Variants in ARHGAP15 observed in about 807,000 individuals in gnomAD.
The protein encoded by ARHGAP15 is Rho GTPase activating protein 15.
Under a neutral mutation model 63.7 loss-of-function variants are expected in ARHGAP15, and 51 were observed. That is an observed-to-expected ratio of 0.80 (90% CI 0.64 to 1.01). The LOEUF is 1.01. Among genes scored for constraint, ARHGAP15 ranks in the 50% least tolerant of loss-of-function variants. The pLI is 0.00. For missense variants in ARHGAP15, 560 were observed against 564.6 expected (o/e 0.99, Z 0.08); for synonymous variants, 191 against 193.8 (o/e 0.99, Z 0.12).
At chr2:143,480,377 T>C (rs141243060) in intron 8 of ARHGAP15, among the ~76,000 whole-genome samples, 3,090 of 152,316 alleles carry the variant, frequency 0.02, 270 homozygotes, top group Admixed American at 0.16. Flanking sequence ...ATTTTAATTG[T>C]ATGAATTTTC....
intron 2 of ARHGAP15, among the ~76,000 whole-genome samples, chr2:143,197,085 T>G (rs186995794): frequency 2.1e-4 from 32 of 152,062 alleles, no homozygotes; most frequent in Admixed American, 1.4e-3. Context: ...AAATGTAGGG[T>G]TTTTATATCA....
intron 12 of ARHGAP15, among the ~76,000 whole-genome samples, chr2:143,667,879 T>C (rs1290577178): frequency 6.6e-6 from 1 of 152,014 alleles, no homozygotes. Flanking sequence ...TGCCATCTAC[T>C]CAGGAAGCTG....
At chr2:143,644,482 A>G (rs1472183041) in intron 12 of ARHGAP15, among the ~76,000 whole-genome samples, 1 of 152,078 alleles carries the variant, frequency 6.6e-6, no homozygotes, top group Non-Finnish European at 1.5e-5. Context: ...CAAAGATCAG[A>G]GAGAACTTCC....
intron 6 of ARHGAP15, among the ~76,000 whole-genome samples, chr2:143,380,926 TA>T (rs34958653): frequency 0.23 from 35,669 of 151,942 alleles, 4,416 homozygotes; most frequent in Admixed American, 0.33. Context: ...AGAAAGAAAC[TA>T]GCATCCCCGG....
intron 6 of ARHGAP15, among the ~76,000 whole-genome samples, chr2:143,408,225 C>T (rs913524499): frequency 6.7e-6 from 1 of 149,368 alleles, no homozygotes; most frequent in African/African-American, 2.4e-5. Flanking sequence ...TCTCTCCCTT[C>T]CTCCCTTCTT....
intron 6 of ARHGAP15, among the ~76,000 whole-genome samples, chr2:143,429,300 G>A (rs1214465655): frequency 1.3e-5 from 2 of 151,156 alleles, no homozygotes; most frequent in Non-Finnish European, 2.9e-5. Flanking sequence ...GAGTGGGCAA[G>A]TAATATGGGG....
At chr2:143,226,819 T>C (rs192804091) in intron 4 of ARHGAP15, among the ~76,000 whole-genome samples, 3 of 152,364 alleles carry the variant, frequency 2.0e-5, no homozygotes, top group Admixed American at 1.3e-4. Context: ...TTTAACACAA[T>C]GGTGTATCAT....
chr2:143,545,096 C>T (rs1695272499), intron 10 of ARHGAP15, among the ~76,000 whole-genome samples: 1 of 152,128 alleles, frequency 6.6e-6, no homozygotes, highest in South Asian at 2.1e-4. Flanking sequence ...TAGGACTTTG[C>T]TGATGGTTAG....
chr2:143,287,731 A>AG (rs1682177024), intron 6 of ARHGAP15, among the ~76,000 whole-genome samples: 1 of 152,096 alleles, frequency 6.6e-6, no homozygotes, highest in South Asian at 2.1e-4. Context: ...TGCACCCAGG[A>AG]GGTGGAGGTT....
chr2:143,236,967 C>G (rs1193998975), intron 5 of ARHGAP15: 1 of 152,084 alleles, frequency 6.6e-6, no homozygotes, highest in East Asian at 1.9e-4. Flanking sequence ...AGTTGCGGAA[C>G]AGCATTGTGG....
chr2:143,318,352 T>A (rs780217026), intron 6 of ARHGAP15, among the ~76,000 whole-genome samples: 7 of 152,072 alleles, frequency 4.6e-5, no homozygotes, highest in Non-Finnish European at 1.0e-4. Flanking sequence ...TAATATAAGC[T>A]GTGTAGATAA....
chr2:143,335,881 G>A (rs905173650), intron 6 of ARHGAP15, among the ~76,000 whole-genome samples: 2 of 152,192 alleles, frequency 1.3e-5, no homozygotes, highest in Non-Finnish European at 2.9e-5. Flanking sequence ...AAGAAGACAG[G>A]CACAGGTGTG....
chr2:143,669,688 AG>A (rs1682418973), intron 12 of ARHGAP15, among the ~76,000 whole-genome samples: 1 of 152,210 alleles, frequency 6.6e-6, no homozygotes. Context: ...TTACCTAATT[AG>A]GTTTCAACAT....
chr2:143,629,199 A>G (rs62897262), intron 12 of ARHGAP15, among the ~76,000 whole-genome samples: 1 of 138,880 alleles, frequency 7.2e-6, no homozygotes, highest in Non-Finnish European at 1.6e-5. Flanking sequence ...AAAAAAAAAA[A>G]CCCCATTAAT....
chr2:143,630,098 G>A (rs1307398574), intron 12 of ARHGAP15, among the ~76,000 whole-genome samples: 2 of 151,964 alleles, frequency 1.3e-5, no homozygotes, highest in Admixed American at 1.3e-4. Context: ...CATTTTAAAA[G>A]CTGAGTTTAG....
chr2:143,420,978 G>A (rs534560690), intron 6 of ARHGAP15, among the ~76,000 whole-genome samples: 2 of 152,264 alleles, frequency 1.3e-5, no homozygotes, highest in East Asian at 1.9e-4. Context: ...AGGATGCAAC[G>A]TGGAGTGCAC....
intron 6 of ARHGAP15, among the ~76,000 whole-genome samples, chr2:143,290,522 G>T (rs1431694827): frequency 6.6e-6 from 1 of 151,914 alleles, no homozygotes; most frequent in Non-Finnish European, 1.5e-5. Context: ...TCTTCCAAGA[G>T]AAACCAGAAA....
chr2:143,593,404 A>G (rs1226350174), intron 11 of ARHGAP15: 2 of 152,214 alleles, frequency 1.3e-5, no homozygotes, highest in East Asian at 3.8e-4. Flanking sequence ...CCTCTATTAC[A>G]CAAATGTTTT....
chr2:143,202,582 GC>G (rs1349469178), intron 3 of ARHGAP15, among the ~76,000 whole-genome samples: 1 of 147,998 alleles, frequency 6.8e-6, no homozygotes, highest in East Asian at 2.0e-4. Flanking sequence ...GAGTTTGCTA[GC>G]AAGATGGAAG....
Sources: allele counts gnomAD v4.1 joint callset (sites outside exome capture counted in the v4.1 genomes callset), GRCh38; gene constraint gnomAD v4.1.1; transcripts MANE v1.5; gene names NCBI Gene and HGNC (gene_info 2026-07-23, HGNC 2026-07-21).